Variants in RNF169 observed in about 807,000 individuals in gnomAD.
RNF169 encodes the protein E3 ubiquitin-protein ligase RNF169.
A neutral mutation model predicts 53.9 loss-of-function variants in RNF169; 24 were observed. That is an observed-to-expected ratio of 0.45 (90% confidence interval 0.32 to 0.63). The LOEUF (loss-of-function observed/expected upper bound fraction) is 0.63, where lower values mean the gene tolerates loss of function less well. Among genes scored for constraint, RNF169 ranks in the 20% least tolerant of loss-of-function variants. RNF169 has a pLI of 0.04. For synonymous variants in RNF169, 396 were observed against 363.5 expected (o/e 1.09, Z -1.02); for missense variants, 883 against 906.2 (o/e 0.97, Z 0.33).
At chr11:74,800,806 G>C (rs1440127170) in intron 2 of RNF169, among the ~76,000 whole-genome samples, 1 of 152,102 alleles carries the variant, frequency 6.6e-6, no homozygotes, top group African/African-American at 2.4e-5. Flanking sequence ...TTTTACAATT[G>C]ATTACTTAGA....
chr11:74,807,845 T>C (rs1049234106), intron 2 of RNF169: 1 of 152,164 alleles, frequency 6.6e-6, no homozygotes, highest in Admixed American at 6.5e-5. Flanking sequence ...CAAATCCTTA[T>C]AAATAACAAC....
In RNF169 at chr11:74,836,240, A is replaced by G. The variant is rs764966411; in HGVS notation, c.1637A>G (p.Glu546Gly). 1 of 1,614,172 alleles carries G rather than the reference A, an allele frequency of 6.2e-7. No individual in the cohort carries two copies. The highest frequency in any genetic ancestry group is 1.1e-5 in the South Asian group (1 of 91,088). ...GGCAGTGGGACTTCTTTGGAGAGGG[A>G]GCAGTTTGAGGGGTTAGGGTCAACT... ...GGGSGTSLER[E>G]QFEGLGSTPD... The change falls in exon 6 of 6, where the codon GAG (glutamate) becomes GGG (glycine). Residue 546 changes from glutamate to glycine, a missense_variant. Physicochemically the swap from Glu to Gly is moderately conservative, Grantham distance 98. Around this residue, in one of 3 missense-constraint regions of RNF169, gnomAD observed 351 missense variants for 337.3 expected, o/e 1.04. Coordinates refer to ENST00000299563, the MANE Select transcript of RNF169 (RefSeq NM_001098638.2).
intron 4 of RNF169, among the ~76,000 whole-genome samples, chr11:74,828,336 A>G (rs1026771617): frequency 2.0e-5 from 3 of 152,226 alleles, no homozygotes; most frequent in African/African-American, 7.2e-5. Context: ...GAGATGACCC[A>G]AACAAATGGA....
At chr11:74,788,926 T>C (rs999837034) in intron 1 of RNF169, among the ~76,000 whole-genome samples, 1 of 152,118 alleles carries the variant, frequency 6.6e-6, no homozygotes, top group African/African-American at 2.4e-5. Flanking sequence ...TCTAGATGGG[T>C]TGCCTTTTTA....
Position 74,802,943 on chromosome 11 carries a change from C to T in RNF169, c.577-7241C>T, listed in dbSNP as rs544649645. On this transcript the variant is annotated intron_variant, in intron 2 of 5. Coordinates refer to ENST00000299563, the MANE Select transcript of RNF169 (RefSeq NM_001098638.2). ...AATTTTTTTTGGGGGGGGGTGGGGA[C>T]GGAGTCTTGCTCTGTCGCCCAGGCT... is the stretch of plus-strand genomic sequence containing the variant. Among the ~76,000 whole-genome samples the T allele has an allele frequency of 4.0e-5, 6 of 151,426 alleles. No individual in the cohort carries two copies. The East Asian group carries it at 5.9e-4, about 15-fold the overall frequency.
intron 2 of RNF169, among the ~76,000 whole-genome samples, chr11:74,803,085 T>C (rs898510984): frequency 6.7e-6 from 1 of 150,256 alleles, no homozygotes; most frequent in African/African-American, 2.5e-5. Flanking sequence ...CATGCCAGGC[T>C]AATTTTCTTT....
At chr11:74,756,468 G>A (rs551879221) in intron 1 of RNF169, among the ~76,000 whole-genome samples, 3 of 152,224 alleles carry the variant, frequency 2.0e-5, no homozygotes, top group Admixed American at 2.0e-4. Flanking sequence ...AAATCATAAG[G>A]TTGTTGTTAA....
chr11:74,828,934 G>A (rs2036136868), intron 4 of RNF169, among the ~76,000 whole-genome samples: 1 of 152,210 alleles, frequency 6.6e-6, no homozygotes, highest in Non-Finnish European at 1.5e-5. Context: ...ATAGGCATGG[G>A]CAAAGATTTC....
chr11:74,752,521 T>C (rs2034913265), intron 1 of RNF169, among the ~76,000 whole-genome samples: 1 of 149,460 alleles, frequency 6.7e-6, no homozygotes, highest in South Asian at 2.1e-4. Flanking sequence ...CGCTTGAACC[T>C]GGGAGGCGTA....
At chr11:74,816,440 C>G (rs1238592204) in intron 3 of RNF169, among the ~76,000 whole-genome samples, 1 of 151,972 alleles carries the variant, frequency 6.6e-6, no homozygotes. Flanking sequence ...AATAATGAGG[C>G]AAAACTTCAT....
intron 1 of RNF169, among the ~76,000 whole-genome samples, chr11:74,785,045 T>G (rs1172804599): frequency 6.6e-6 from 1 of 151,574 alleles, no homozygotes; most frequent in Non-Finnish European, 1.5e-5. Context: ...TTACTACTAC[T>G]GTTACTTTTA....
intron 2 of RNF169, among the ~76,000 whole-genome samples, chr11:74,796,476 A>G (rs952685719): frequency 7.2e-5 from 11 of 152,160 alleles, no homozygotes; most frequent in Admixed American, 2.6e-4. Context: ...TTTGAAATAG[A>G]TTTATCTCTA....
Position 74,821,869 on chromosome 11 carries a change from T to G in RNF169, c.842+4155T>G, listed in dbSNP as rs545856190. Among the ~76,000 whole-genome samples, 12 of 152,186 alleles carry G rather than the reference T, an allele frequency of 7.9e-5. No individual in the cohort carries two copies. The East Asian group carries it at 1.9e-3, about 24-fold the overall frequency. On this transcript the variant is annotated intron_variant, in intron 4 of 5. Transcript: ENST00000299563. ...AAATAACTGAATATACTAAAAACCATTACATCGTACACCTAAAAAAATAAA... is the reference window on the plus strand; with the variant it reads ...AAATAACTGAATATACTAAAAACCAGTACATCGTACACCTAAAAAAATAAA...
chr11:74,792,958 T>C (rs1483958493), intron 2 of RNF169, among the ~76,000 whole-genome samples: 1 of 152,172 alleles, frequency 6.6e-6, no homozygotes, highest in Non-Finnish European at 1.5e-5. Flanking sequence ...TTATCCTACA[T>C]CCATTGTACA....
Position 74,817,647 on chromosome 11 carries a change from A to G in RNF169, c.775A>G (p.Met259Val), listed in dbSNP as rs1434062299. The change falls in exon 4 of 6, where the codon ATG becomes GTG. Residue 259 changes from methionine (M) to valine (V), a missense_variant. Met to Val is a conservative substitution (Grantham distance 21). This residue lies in a region of RNF169 where 219 missense variants were observed against 289.1 expected (regional missense o/e 0.76). Transcript: ENST00000299563. Reference protein sequence around the residue: ...SENEEPSRGQMTQTHRSAFVS... With the variant: ...SENEEPSRGQVTQTHRSAFVS... ...GAATGAAGAACCTTCTCGAGGCCAG[A>G]TGACACAGACACATCGCTCGGCATT... 1.2e-6 allele frequency: 2 copies of G among 1,614,124 alleles called. No individual in the cohort carries two copies. Among genetic ancestry groups the G allele is most frequent in the East Asian group, 2.2e-5 (1 of 44,880 alleles).
chr11:74,752,228 TAAAAAAAAAAA>T (rs11325931), intron 1 of RNF169, among the ~76,000 whole-genome samples: 10 of 78,758 alleles, frequency 1.3e-4, no homozygotes, highest in East Asian at 4.8e-4. Flanking sequence ...GAGACTGTCT[TAAAAAAAAAAA>T]AAAAAAAAAA....
intron 1 of RNF169, among the ~76,000 whole-genome samples, chr11:74,786,188 C>G (rs1194751078): frequency 6.6e-6 from 1 of 150,390 alleles, no homozygotes; most frequent in Non-Finnish European, 1.5e-5. Context: ...ATCTGCCTGT[C>G]TTGGCCTCCC....
chr11:74,817,678 C>G lies in RNF169; in HGVS notation c.806C>G (p.Ser269Cys). ...CAGACACATCGCTCGGCATTTGTTT[C>G]CAAGAACAACTCCTACTCCTTAGCT... is the stretch of plus-strand genomic sequence containing the variant. ...MTQTHRSAFV[S>C]KNNSYSLAFL... Residue 269 changes from serine (S) to cysteine (C), a missense_variant, in exon 4 of 6, where the codon TCC (serine) becomes TGC (cysteine). Physicochemically the swap from Ser to Cys is moderately radical, Grantham distance 112. This residue lies in a region of RNF169 where 219 missense variants were observed against 289.1 expected (regional missense o/e 0.76). Coordinates refer to ENST00000299563, the MANE Select transcript of RNF169 (RefSeq NM_001098638.2). 1 of 1,613,332 alleles carries G rather than the reference C, an allele frequency of 6.2e-7. No individual in the cohort carries two copies. The highest frequency in any genetic ancestry group is 8.5e-7 in the Non-Finnish European group (1 of 1,179,288).
rs770708141 is a variant in RNF169, at chr11:74,764,804, G to A, written c.502+15422G>A. On this transcript the variant is annotated intron_variant, in intron 1 of 5. Coordinates refer to ENST00000299563, the MANE Select transcript of RNF169 (RefSeq NM_001098638.2). The stretch of plus-strand genomic sequence containing the variant: ...TACTAGGCAAAGATAAAATGTAAGC[G>A]GGGAGAAAAGTGATTCTCATTACAG... 5.3e-5 allele frequency among the ~76,000 whole-genome samples: 8 copies of A among 152,098 alleles called. No homozygotes were observed. The South Asian group carries it at 6.2e-4, about 12-fold the overall frequency.
Sources: allele counts gnomAD v4.1 joint callset (sites outside exome capture counted in the v4.1 genomes callset), GRCh38; gene constraint gnomAD v4.1.1; regional missense constraint gnomAD v4.1.1; transcripts MANE v1.5; gene names NCBI Gene and HGNC (gene_info 2026-07-23, HGNC 2026-07-21).